UNC13C: variants seen among roughly 807,000 people sequenced by gnomAD.
UNC13C encodes the protein protein unc-13 homolog C.
UNC13C carries 174 observed loss-of-function variants against 245.4 expected under a neutral mutation model. The observed-to-expected ratio is 0.71, with a 90% CI of 0.63 to 0.80. The LOEUF is 0.80. Among genes scored for constraint, UNC13C ranks in the 30% least tolerant of loss-of-function variants. The pLI is 0.00. For synonymous variants in UNC13C, 992 were observed against 895.1 expected, an observed-to-expected ratio of 1.11 and a Z score of -1.93; for missense variants, 2,829 against 2,602.9, an observed-to-expected ratio of 1.09 and a Z score of -1.89.
At chr15:54,535,347 G>T (rs1312011941) in intron 26 of UNC13C, among the ~76,000 whole-genome samples, 1 of 151,918 alleles carries the variant, frequency 6.6e-6, no homozygotes, top group South Asian at 2.1e-4. Flanking sequence ...CCTAACACTG[G>T]AGTATCTGGA....
intron 19 of UNC13C, among the ~76,000 whole-genome samples, chr15:54,485,518 G>C (rs1233721292): frequency 6.6e-6 from 1 of 152,194 alleles, no homozygotes; most frequent in African/African-American, 2.4e-5. Flanking sequence ...GTAGCCTTCT[G>C]CATCTCCTTC....
chr15:54,316,929 T>C (rs2038024107), intron 13 of UNC13C, among the ~76,000 whole-genome samples: 1 of 151,928 alleles, frequency 6.6e-6, no homozygotes, highest in Admixed American at 6.6e-5. Context: ...TGCTTCTCTT[T>C]TAAGAGTATG....
intron 4 of UNC13C, among the ~76,000 whole-genome samples, chr15:54,215,893 G>C (rs1025573543): frequency 6.6e-6 from 1 of 151,898 alleles, no homozygotes; most frequent in African/African-American, 2.4e-5. Context: ...TCCGTTTCAT[G>C]GCTAAATACC....
At chr15:54,284,128 T>C (rs2037078181) in intron 10 of UNC13C, among the ~76,000 whole-genome samples, 1 of 152,184 alleles carries the variant, frequency 6.6e-6, no homozygotes, top group African/African-American at 2.4e-5. Context: ...TATGGACGGG[T>C]AAATTTTTAG....
chr15:54,348,596 G>A (rs546299886), intron 17 of UNC13C, among the ~76,000 whole-genome samples: 10 of 152,220 alleles, frequency 6.6e-5, no homozygotes, highest in African/African-American at 1.7e-4. Context: ...AAATATCACC[G>A]TAGAATAGTC....
chr15:54,222,120 A>T (rs1015658945), intron 4 of UNC13C, among the ~76,000 whole-genome samples: 1 of 152,050 alleles, frequency 6.6e-6, no homozygotes. Context: ...CGATCATACT[A>T]TATTAGTTAT....
intron 19 of UNC13C, among the ~76,000 whole-genome samples, chr15:54,493,861 T>G (rs547889649): frequency 6.6e-6 from 1 of 152,040 alleles, no homozygotes; most frequent in Non-Finnish European, 1.5e-5. Flanking sequence ...CACAATAGCT[T>G]AACAACTGTG....
chr15:54,250,189 T>C (rs773854113), intron 7 of UNC13C, 36 bp from the exon 8 acceptor site: 29 of 1,579,766 alleles, frequency 1.8e-5, no homozygotes, highest in Non-Finnish European at 2.5e-5. Context: ...ATCCACTGAC[T>C]TGGCGGTGCA....
At chr15:54,505,981 C>G (rs961539) in intron 22 of UNC13C, among the ~76,000 whole-genome samples, 1,555 of 152,106 alleles carry the variant, frequency 0.01, 33 homozygotes, top group African/African-American at 0.036. Context: ...CAAGAATTAT[C>G]GTAAAGGGTA....
At chr15:54,541,694 A>G (rs943587718) in intron 26 of UNC13C, among the ~76,000 whole-genome samples, 2 of 152,138 alleles carry the variant, frequency 1.3e-5, no homozygotes, top group Admixed American at 1.3e-4. Context: ...ATATGGGTAT[A>G]CTAGTAAATG....
chr15:54,505,371 A>C (rs1223936954), intron 22 of UNC13C, among the ~76,000 whole-genome samples: 1 of 152,168 alleles, frequency 6.6e-6, no homozygotes, highest in Non-Finnish European at 1.5e-5. Context: ...TATGCATTGG[A>C]ATTACCTTAG....
At chr15:54,138,953 A>ATTTTTTTTTTTGT (rs2031873211) in intron 2 of UNC13C, among the ~76,000 whole-genome samples, 1 of 48,632 alleles carries the variant, frequency 2.1e-5, no homozygotes, top group African/African-American at 7.8e-5. Flanking sequence ...ATTTCCCCTA[A>ATTTTTTTTTTTGT]TTTTTTTTTT....
At chr15:54,297,404 G>A (rs893674279) in intron 11 of UNC13C, among the ~76,000 whole-genome samples, 3 of 152,138 alleles carry the variant, frequency 2.0e-5, no homozygotes, top group African/African-American at 7.2e-5. Context: ...ACAAGGTGAA[G>A]TGCCCTGGTG....
chr15:54,390,018 T>A (rs1233647962), intron 17 of UNC13C, among the ~76,000 whole-genome samples: 1 of 152,138 alleles, frequency 6.6e-6, no homozygotes, highest in African/African-American at 2.4e-5. Context: ...CATGAGCCAC[T>A]GCGCCCGGCC....
At chr15:54,256,890 A>G (rs754516689) in intron 8 of UNC13C, among the ~76,000 whole-genome samples, 5 of 152,212 alleles carry the variant, frequency 3.3e-5, no homozygotes, top group South Asian at 2.1e-4. Flanking sequence ...CTTAGGAAAA[A>G]TAAGGAAGCG....
intron 2 of UNC13C, among the ~76,000 whole-genome samples, chr15:54,087,914 A>T (rs1296707023): frequency 2.0e-5 from 3 of 152,226 alleles, no homozygotes; most frequent in African/African-American, 7.2e-5. Flanking sequence ...GAGAAAAGGC[A>T]CTTTAAGGCA....
rs866370398 is a variant in UNC13C at position 54,628,150 on chromosome 15, A to C, written c.*1037A>C. 2 of 152,114 alleles carry C rather than the reference A, an allele frequency of 1.3e-5. No homozygotes were observed. The highest frequency in any genetic ancestry group is 2.9e-5 in the Non-Finnish European group (2 of 68,010). The allele number at this position is 152,114 out of a possible 1,614,324, so 9.4% of individuals were successfully genotyped here. A position where few individuals can be genotyped will look rare whatever the true frequency, so the allele number is the denominator to read the frequency against. On this transcript the variant is annotated 3_prime_UTR_variant, in exon 33 of 33. Coordinates refer to ENST00000260323, the MANE Select transcript of UNC13C (RefSeq NM_001080534.3). ...TGTATTTATAAGCCCCAAATGCATC[A>C]AATGCAGTAGGAGAACAATGTAATA...
At chr15:54,317,856 T>C (rs1181169635) in intron 13 of UNC13C, among the ~76,000 whole-genome samples, 1 of 151,882 alleles carries the variant, frequency 6.6e-6, no homozygotes, top group Non-Finnish European at 1.5e-5. Context: ...TTTAATAAAA[T>C]GTTATATCCT....
chr15:54,306,133 C>A (rs747020576), intron 13 of UNC13C, among the ~76,000 whole-genome samples: 5 of 151,994 alleles, frequency 3.3e-5, no homozygotes, highest in East Asian at 1.9e-4. Flanking sequence ...TAGGACTGAA[C>A]GTCCCAGTGC....
Sources: gnomAD v4.1 joint callset for allele counts (sites outside exome capture counted in the v4.1 genomes callset) on GRCh38, gnomAD v4.1.1 for gene constraint, MANE v1.5 for transcripts, NCBI Gene and HGNC (gene_info 2026-07-23, HGNC 2026-07-21) for gene names.